Variants in EIPR1 observed in about 807,000 individuals in gnomAD.
The protein encoded by EIPR1 is EARP complex and GARP complex interacting protein 1, also known as EARP and GARP complex-interacting protein 1.
A neutral mutation model predicts 48.1 loss-of-function variants in EIPR1; 25 were observed. The observed-to-expected ratio is 0.52, with a 90% CI of 0.38 to 0.73. The LOEUF (loss-of-function observed/expected upper bound fraction) is 0.73. EIPR1 is among the 30% of genes least tolerant of loss of function. The pLI is 0.00. For missense variants in EIPR1, 415 were observed against 506.2 expected, an observed-to-expected ratio of 0.82 and a Z score of 1.73; for synonymous variants, 204 against 201.9, an observed-to-expected ratio of 1.01 and a Z score of -0.09.
At chr2:3,316,845 C>T (rs1451912949) in intron 3 of EIPR1, among the ~76,000 whole-genome samples, 1 of 152,272 alleles carries the variant, frequency 6.6e-6, no homozygotes, top group Non-Finnish European at 1.5e-5. Flanking sequence ...TTGCCATAGT[C>T]TAGACACAGT....
intron 3 of EIPR1, among the ~76,000 whole-genome samples, chr2:3,323,354 G>T (rs1669593313): frequency 6.6e-6 from 1 of 152,190 alleles, no homozygotes; most frequent in Non-Finnish European, 1.5e-5. Context: ...TTGGGGAACT[G>T]CCCCCAGTAT....
rs79979282 is a variant in EIPR1 at position 3,299,384 on chromosome 2, G to T, written c.259+38633C>A. ...GTCAGCTCATTGTCCCAGCGACTCT[G>T]CTTGGGGCTCTGCTGATGGCATTCT... On this transcript the variant is annotated intron_variant, in intron 3 of 8. Transcript: ENST00000382125. Among the ~76,000 whole-genome samples, 583 of 152,176 alleles carry T rather than the reference G, an allele frequency of 3.8e-3. 3 individuals carry two copies. The highest frequency in any genetic ancestry group is 6.3e-3 in the Non-Finnish European group (431 of 68,002).
intron 3 of EIPR1, among the ~76,000 whole-genome samples, chr2:3,269,413 T>TCAC (rs1667612249): frequency 1.6e-5 from 2 of 125,000 alleles, no homozygotes; most frequent in African/African-American, 6.3e-5. Flanking sequence ...CACTCAATCA[T>TCAC]CGCACTCAAT....
At chr2:3,233,766 G>A (rs1469936875) in intron 4 of EIPR1, among the ~76,000 whole-genome samples, 5 of 152,226 alleles carry the variant, frequency 3.3e-5, no homozygotes, top group African/African-American at 1.2e-4. Context: ...CTTCATCAAA[G>A]TTCCATCTGG....
At chr2:3,297,439 GGCTGTA>G (rs1668636172) in intron 3 of EIPR1, among the ~76,000 whole-genome samples, 1 of 152,194 alleles carries the variant, frequency 6.6e-6, no homozygotes, top group Non-Finnish European at 1.5e-5. Context: ...GTTAAATAAG[GGCTGTA>G]GATGAGCAGA....
intron 3 of EIPR1, among the ~76,000 whole-genome samples, chr2:3,258,919 T>G (rs1180531174): frequency 6.8e-6 from 1 of 147,346 alleles, no homozygotes; most frequent in Non-Finnish European, 1.5e-5. Context: ...ACAAGGGAAT[T>G]TTATTTATTT....
At chr2:3,300,693 A>C (rs1353341918) in intron 3 of EIPR1, among the ~76,000 whole-genome samples, 2 of 152,248 alleles carry the variant, frequency 1.3e-5, no homozygotes, top group Non-Finnish European at 2.9e-5. Flanking sequence ...GAAGGTACAC[A>C]CAATGCACTT....
At chr2:3,265,246 G>A (rs1667452311) in intron 3 of EIPR1, among the ~76,000 whole-genome samples, 1 of 142,242 alleles carries the variant, frequency 7.0e-6, no homozygotes, top group South Asian at 2.3e-4. Context: ...AATGAACGAA[G>A]CTGCACACGT....
At position 3,208,803 on chromosome 2, in the gene EIPR1, CCTT is replaced by C. The variant is rs1158561964; in HGVS notation, c.516+5343_516+5345del. The C allele has an allele frequency of 1.9e-6, 3 of 1,549,896 alleles. No homozygotes were observed. In the African/African-American group the frequency reaches 4.1e-5, roughly 21 times the overall value. On this transcript the variant is annotated intron_variant, in intron 5 of 8. Transcript: ENST00000382125. ...TTGAGTGAGGCTCGTGGCAGGTCCT[CCTT>C]CTGTGAGTGAGGCCCGTGGCAGGTG...
At position 3,214,253 on chromosome 2, in the gene EIPR1, G is replaced by A. The variant is rs1435413136; in HGVS notation, c.417-5C>T. ...CCCATTGGCTCCCACACGACACTAA[G>A]AGAAAGAGAAGTACCAAATGTTAAC... is the stretch of plus-strand genomic sequence containing the variant. On this transcript the variant is annotated splice_polypyrimidine_tract_variant and splice_region_variant and intron_variant, in intron 4 of 8. Coordinates refer to ENST00000382125, the MANE Select transcript of EIPR1 (RefSeq NM_003310.5). 6.2e-7 allele frequency: 1 copy of A among 1,612,220 alleles called. No individual in the cohort carries two copies. The highest frequency in any genetic ancestry group is 1.3e-5 in the African/African-American group (1 of 74,874).
At chr2:3,198,478 T>G (rs1664887293) in intron 5 of EIPR1, among the ~76,000 whole-genome samples, 1 of 152,224 alleles carries the variant, frequency 6.6e-6, no homozygotes, top group African/African-American at 2.4e-5. Context: ...CCTGCTCTGA[T>G]GCTTAGGAAA....
chr2:3,265,140 A>G (rs1411670125), intron 3 of EIPR1, among the ~76,000 whole-genome samples: 3 of 18,292 alleles, frequency 1.6e-4, no homozygotes, highest in Middle Eastern at 0.028. Flanking sequence ...AAAGTGCCTT[A>G]ATAAAGTATG....
chr2:3,331,106 C>T lies in EIPR1; in HGVS notation c.259+6911G>A, dbSNP rs570573300. ...ATGAGATGGTGTGAGCAGAGGCAGG[C>T]ACACACTCCTGAGGTGGTGTGAGCA... On this transcript the variant is annotated intron_variant, in intron 3 of 8. Transcript: ENST00000382125. Among the ~76,000 whole-genome samples the T allele has an allele frequency of 8.0e-3, 987 of 122,868 alleles. 85 individuals are homozygous for T. The highest frequency in any genetic ancestry group is 0.016 in the East Asian group (53 of 3,380). The allele number at this position is 122,868 out of a possible 152,430, so 80.6% of individuals were successfully genotyped here.
intron 4 of EIPR1, among the ~76,000 whole-genome samples, chr2:3,247,233 T>G (rs2103201060): frequency 6.6e-6 from 1 of 152,270 alleles, no homozygotes; most frequent in East Asian, 1.9e-4. Flanking sequence ...GGACGACTCT[T>G]GATATACCAC....
chr2:3,311,908 TCGGGGTTGTCCC>T, intron 3 of EIPR1, among the ~76,000 whole-genome samples: 1 of 152,298 alleles, frequency 6.6e-6, no homozygotes, highest in South Asian at 2.1e-4. Flanking sequence ...CTGTGCAGTG[TCGGGGTTGTCCC>T]CAGCCTCTGC....
chr2:3,221,002 A>G (rs28549670), intron 4 of EIPR1, among the ~76,000 whole-genome samples: 3,390 of 43,556 alleles, frequency 0.078, 918 homozygotes, highest in East Asian at 0.16. Flanking sequence ...ACAGTGAGTC[A>G]GGAACACATG....
intron 4 of EIPR1, among the ~76,000 whole-genome samples, chr2:3,250,619 T>C (rs1176858307): frequency 6.6e-6 from 1 of 152,166 alleles, no homozygotes; most frequent in Non-Finnish European, 1.5e-5. Flanking sequence ...GGTTTGAATG[T>C]TAGTCCCCTC....
intron 4 of EIPR1, among the ~76,000 whole-genome samples, chr2:3,220,435 TA>T (rs1363713693): frequency 4.6e-5 from 7 of 151,734 alleles, no homozygotes; most frequent in African/African-American, 1.2e-4. Context: ...GTCAGGTACA[TA>T]CACTCACAAT....
intron 3 of EIPR1, among the ~76,000 whole-genome samples, chr2:3,275,071 T>C (rs116747366): frequency 6.6e-6 from 1 of 152,200 alleles, no homozygotes; most frequent in South Asian, 2.1e-4. Flanking sequence ...ACAGGAATTA[T>C]TACAAATAGA....
Sources: allele counts gnomAD v4.1 joint callset (sites outside exome capture counted in the v4.1 genomes callset), GRCh38; gene constraint gnomAD v4.1.1; transcripts MANE v1.5; gene names NCBI Gene and HGNC (gene_info 2026-07-23, HGNC 2026-07-21).